Variants in KTN1 observed in about 807,000 individuals in gnomAD.
The protein encoded by KTN1 is kinectin 1, also known as kinectin.
A neutral mutation model predicts 222.5 loss-of-function variants in KTN1; 130 were observed. That is an observed-to-expected ratio of 0.58 (90% CI 0.51 to 0.68). The LOEUF (loss-of-function observed/expected upper bound fraction) is 0.68, where lower values mean the gene tolerates loss of function less well. Ranked by LOEUF, KTN1 falls within the 30% of genes least tolerant of loss-of-function variation. KTN1 has a pLI of 0.00. For missense variants in KTN1, 1,508 were observed against 1,500.4 expected, an observed-to-expected ratio of 1.01 and a Z score of -0.08; for synonymous variants, 512 against 496.3, an observed-to-expected ratio of 1.03 and a Z score of -0.42.
rs373483352 is a variant in KTN1 at position 55,667,270 on chromosome 14, G to A, written c.3207G>A (p.Glu1069=). The part of the protein sequence containing the change: ...KERQQQVEAV[E]LEAKEVLKKL... ...GGCAGCAACAGGTGGAAGCTGTTGA[G>A]TTGGAGGCTAAAGAAGTTCTCAAAA... is the stretch of plus-strand genomic sequence containing the variant. The change falls in exon 34 of 44, where the codon GAG becomes GAA. Residue 1069 remains glutamate, a synonymous_variant. Transcript: ENST00000395314. The A allele has an allele frequency of 6.2e-7, 1 of 1,606,896 alleles. No homozygotes were observed. The highest frequency in any genetic ancestry group is 8.5e-7 in the Non-Finnish European group (1 of 1,176,790).
rs941305019 is a variant in KTN1 at position 55,612,454 on chromosome 14, T to A, written c.406T>A (p.Ser136Thr). 6.2e-7 allele frequency: 1 copy of A among 1,614,142 alleles called. No homozygotes were observed. Among genetic ancestry groups the A allele is most frequent in the Non-Finnish European group, 8.5e-7 (1 of 1,180,016 alleles). Reference protein sequence around the residue: ...EEQVIKESDASKIPGKKVEPV... With the variant: ...EEQVIKESDATKIPGKKVEPV... ...GCAGGTCATCAAAGAAAGTGACGCATCAAAGATTCCTGGCAAAAAAGTAGA... is the reference window on the plus strand; with the variant it reads ...GCAGGTCATCAAAGAAAGTGACGCAACAAAGATTCCTGGCAAAAAAGTAGA... The change falls in exon 2 of 44, where the codon TCA (serine) becomes ACA (threonine). Residue 136 changes from serine (S) to threonine (T), a missense_variant. Ser to Thr is a moderately conservative substitution (Grantham distance 58). Transcript: ENST00000395314.
At chr14:55,668,017 A>G (rs1448735260) in intron 34 of KTN1, 1 of 151,948 alleles carries the variant, frequency 6.6e-6, no homozygotes, top group Non-Finnish European at 1.5e-5. Context: ...CATGGCACGC[A>G]TATAAGCAAT....
intron 8 of KTN1, among the ~76,000 whole-genome samples, chr14:55,633,950 C>G (rs910810448): frequency 1.1e-4 from 17 of 152,132 alleles, no homozygotes; most frequent in African/African-American, 3.1e-4. Flanking sequence ...ACCAGCCTGG[C>G]CAACGTGGTG....
In KTN1 at chr14:55,612,630, G is replaced by C. The variant is rs2037755982; in HGVS notation, c.523+59G>C. The C allele has an allele frequency of 1.2e-5, 16 of 1,385,996 alleles. No individual in the cohort carries two copies. In the African/African-American group the frequency reaches 1.3e-4, roughly 11 times the overall value. The allele number at this position is 1,385,996 out of a possible 1,614,324, so 85.9% of individuals were successfully genotyped here. ...TGTATGATTTGGAGCTTGGAATTGA[G>C]ATATTCTGTTAGGTACATACACAGA... On this transcript the variant is annotated intron_variant, in intron 2 of 43. Transcript: ENST00000395314.
chr14:55,619,318 C>T lies in KTN1; in HGVS notation c.963+6C>T, dbSNP rs752883673. ...TACAAGATGCTTTAAAGAAGGTAAG[C>T]GTGTTTTTTGATTATGGGCATATTC... On this transcript the variant is annotated splice_donor_region_variant and intron_variant, in intron 5 of 43. Transcript: ENST00000395314. The T allele has an allele frequency of 1.9e-5, 31 of 1,612,242 alleles. No homozygotes were observed. The highest frequency in any genetic ancestry group is 1.8e-4 in the East Asian group (8 of 44,788).
rs1007595992 is a variant in KTN1 at position 55,581,472 on chromosome 14, T to A, written c.-31+1118T>A. ...GTGTGTGTGTGTGAGTGTGTGTGTGTGATGACTTTGTGGAAAGCCTTGAGT... is the reference window on the plus strand; with the variant it reads ...GTGTGTGTGTGTGAGTGTGTGTGTGAGATGACTTTGTGGAAAGCCTTGAGT... On this transcript the variant is annotated intron_variant, in intron 1 of 43. Transcript: ENST00000395314. Among the ~76,000 whole-genome samples, 5 of 151,892 alleles carry A rather than the reference T, an allele frequency of 3.3e-5. No individual in the cohort carries two copies. In the East Asian group the frequency reaches 7.7e-4, roughly 23 times the overall value.
chr14:55,648,249 G>A, intron 20 of KTN1, 134 bp downstream of exon 20: 1 of 431,376 alleles, frequency 2.3e-6, no homozygotes, highest in Non-Finnish European at 4.2e-6. Flanking sequence ...TTTATATAAT[G>A]CTTTTTTAAT....
chr14:55,604,012 C>T (rs2036367725), intron 1 of KTN1, among the ~76,000 whole-genome samples: 1 of 152,292 alleles, frequency 6.6e-6, no homozygotes, highest in South Asian at 2.1e-4. Context: ...TCAGTTGTCA[C>T]CTAACAGTTC....
Position 55,636,534 on chromosome 14 carries a change from A to C in KTN1, c.1547A>C (p.Gln516Pro). Residue 516 changes from glutamine (Q) to proline (P), a missense_variant and splice_region_variant, in exon 10 of 44, where the codon CAA becomes CCA. Gln to Pro is a moderately conservative substitution (Grantham distance 76, BLOSUM62 -1). Transcript: ENST00000395314. ...ACAGCGGAACATGAGGCAGCACAGC[A>C]AGGTAAGGGGAAGAAGTATTCATGT... ...KRTAEHEAAQ[Q>P]DLQSKFVAKE... 2 of 1,604,746 alleles carry C rather than the reference A, an allele frequency of 1.2e-6. No individual in the cohort carries two copies. The highest frequency in any genetic ancestry group is 2.2e-5 in the South Asian group (2 of 89,594).
chr14:55,662,425 A>G (rs1258483630), intron 32 of KTN1, among the ~76,000 whole-genome samples: 1 of 152,138 alleles, frequency 6.6e-6, no homozygotes, highest in Non-Finnish European at 1.5e-5. Context: ...TAAGTGTGTT[A>G]GAGGCTTTAG....
In KTN1 at chr14:55,656,023, T is replaced by C; in HGVS notation, c.2802-19T>C. On this transcript the variant is annotated intron_variant, in intron 28 of 43. Transcript: ENST00000395314. The stretch of plus-strand genomic sequence containing the variant: ...TTTTATGTACTTTAGTTAATGCAGA[T>C]CTTTGTAAAAAATTCTAGGTTGAAA... 1 of 1,494,458 alleles carries C rather than the reference T, an allele frequency of 6.7e-7. No individual in the cohort carries two copies. The highest frequency in any genetic ancestry group is 9.2e-7 in the Non-Finnish European group (1 of 1,082,274). 92.6% of individuals were successfully genotyped at this position (1,494,458 alleles called of 1,614,324 possible). A position where few individuals can be genotyped will look rare whatever the true frequency, so the allele number is the denominator to read the frequency against.
chr14:55,610,372 G>T (rs968241758), intron 1 of KTN1, among the ~76,000 whole-genome samples: 4 of 151,886 alleles, frequency 2.6e-5, no homozygotes, highest in Non-Finnish European at 4.4e-5. Flanking sequence ...AAAAATTCAT[G>T]TGTAAGTGTA....
intron 1 of KTN1, among the ~76,000 whole-genome samples, chr14:55,580,937 C>T (rs2031368307): frequency 6.6e-6 from 1 of 152,184 alleles, no homozygotes; most frequent in Non-Finnish European, 1.5e-5. Context: ...CTTTGCGAGT[C>T]CCCAGGTCAG....
rs529016669 is a variant in KTN1 at position 55,620,206 on chromosome 14, C to T, written c.963+894C>T. On this transcript the variant is annotated intron_variant, in intron 5 of 43. Coordinates refer to ENST00000395314, the MANE Select transcript of KTN1 (RefSeq NM_001079521.2). ...GTTTCAAGAGGTGGATTCCCATGGT[C>T]TTGGGCAGCTCCGCCCCTGTGGCTT... is the stretch of plus-strand genomic sequence containing the variant. Among the ~76,000 whole-genome samples the T allele has an allele frequency of 9.2e-5, 14 of 152,336 alleles. No homozygotes were observed. In the South Asian group the frequency reaches 2.9e-3, roughly 32 times the overall value.
chr14:55,628,703 A>C (rs2040143517), intron 6 of KTN1, among the ~76,000 whole-genome samples: 2 of 152,198 alleles, frequency 1.3e-5, no homozygotes, highest in Non-Finnish European at 2.9e-5. Flanking sequence ...TAAATCCTTT[A>C]TGTGAATTTG....
At chr14:55,645,104 T>G (rs2042168821) in intron 18 of KTN1, among the ~76,000 whole-genome samples, 1 of 152,140 alleles carries the variant, frequency 6.6e-6, no homozygotes, top group African/African-American at 2.4e-5. Flanking sequence ...GAAGAGATAA[T>G]GCATTCTATT....
intron 31 of KTN1, 112 bp from the exon 32 acceptor site, chr14:55,661,410 G>T: frequency 1.6e-6 from 1 of 621,868 alleles, no homozygotes. Flanking sequence ...ACTTTTCAAG[G>T]TGCTATCTCT....
Position 55,641,679 on chromosome 14 carries a change from CTCTT to C in KTN1, c.2104-8_2104-5del. ...TTCTTAATAAAACAGTAAATTGAGA[CTCTT>C]TCTTCCAGATTCTAAATGACCAAAA... On this transcript the variant is annotated splice_polypyrimidine_tract_variant and intron_variant, in intron 17 of 43. Transcript: ENST00000395314. 6.5e-7 allele frequency: 1 copy of C among 1,528,484 alleles called. No homozygotes were observed. Among genetic ancestry groups the C allele is most frequent in the Non-Finnish European group, 9.1e-7 (1 of 1,102,848 alleles). 94.7% of individuals were successfully genotyped at this position (1,528,484 alleles called of 1,614,324 possible).
At chr14:55,631,723 G>A (rs2040558204) in intron 7 of KTN1, among the ~76,000 whole-genome samples, 1 of 152,070 alleles carries the variant, frequency 6.6e-6, no homozygotes, top group African/African-American at 2.4e-5. Context: ...GTTGCAGTGA[G>A]CCATGATCAC....
Sources: gnomAD v4.1 joint callset for allele counts (sites outside exome capture counted in the v4.1 genomes callset) on GRCh38, gnomAD v4.1.1 for gene constraint, MANE v1.5 for transcripts, NCBI Gene and HGNC (gene_info 2026-07-23, HGNC 2026-07-21) for gene names.